AGFG1: variants seen among roughly 807,000 people sequenced by gnomAD.
The protein encoded by AGFG1 is arf-GAP domain and FG repeat-containing protein 1.
AGFG1 carries 10 observed loss-of-function variants against 60.6 expected under a neutral mutation model. The ratio of observed to expected loss-of-function variants is 0.16; its 90% CI spans 0.10 to 0.28. AGFG1 has a LOEUF of 0.28. AGFG1 is among the 10% of genes least tolerant of loss of function. The probability of loss-of-function intolerance (pLI) is 1.00; values close to 1 mark genes in which losing one functional copy is unlikely to be tolerated. For missense variants in AGFG1, 537 were observed against 676.5 expected (o/e 0.79, Z 2.29); for synonymous variants, 247 against 242.9 (o/e 1.02, Z -0.16).
chr2:227,524,933 A>G lies in AGFG1; in HGVS notation c.694+18A>G, dbSNP rs763466601. ...TCATGCAGGTAAGTGTTTTTTCCCA[A>G]CAGCTTTTGCTGGGGATGCATATAA... On this transcript the variant is annotated intron_variant, in intron 5 of 12. Transcript: ENST00000310078. 8 of 1,612,916 alleles carry G rather than the reference A, an allele frequency of 5.0e-6. No individual in the cohort carries two copies. The highest frequency in any genetic ancestry group is 1.7e-5 in the Admixed American group (1 of 60,000).
At chr2:227,549,805 A>C (rs918969568) in intron 10 of AGFG1, among the ~76,000 whole-genome samples, 2 of 152,302 alleles carry the variant, frequency 1.3e-5, no homozygotes, top group South Asian at 2.1e-4. Context: ...AATTGATTTC[A>C]TCACTGTTTC....
At chr2:227,512,121 T>C (rs1035569118) in intron 2 of AGFG1, among the ~76,000 whole-genome samples, 3 of 152,210 alleles carry the variant, frequency 2.0e-5, no homozygotes, top group African/African-American at 7.2e-5. Context: ...TGATACTACC[T>C]TACCTGTCCA....
Position 227,491,790 on chromosome 2 carries a change from T to C in AGFG1, c.261+150T>C, listed in dbSNP as rs188811454. On this transcript the variant is annotated intron_variant, in intron 2 of 12. Coordinates refer to ENST00000310078, the MANE Select transcript of AGFG1 (RefSeq NM_004504.5). ...ATTTAGATATTTTAAAATGTACTCA[T>C]TTAATAATGTATTTGGAATTAATGT... 224 of 506,534 alleles carry C rather than the reference T, an allele frequency of 4.4e-4. 1 individual carries two copies. The highest frequency in any genetic ancestry group is 3.9e-3 in the African/African-American group (196 of 50,452). 31.4% of individuals were successfully genotyped at this position (506,534 alleles called of 1,614,324 possible). A position where few individuals can be genotyped will look rare whatever the true frequency, so the allele number is the denominator to read the frequency against.
In AGFG1 at chr2:227,472,416, G is replaced by A. The variant is rs748081594; in HGVS notation, c.-6G>A. 4.7e-5 allele frequency: 70 copies of A among 1,479,704 alleles called. No homozygotes were observed. In the Middle Eastern group the frequency reaches 1.3e-3, roughly 27 times the overall value. 91.7% of individuals were successfully genotyped at this position (1,479,704 alleles called of 1,614,324 possible). The stretch of plus-strand genomic sequence containing the variant: ...CCTGCCGGCCTCCTCCCTTGGCGCC[G>A]CGGCCATGGCGGCCAGCGCGAAGCG... On this transcript the variant is annotated 5_prime_UTR_variant, in exon 1 of 13. Transcript: ENST00000310078.
Position 227,557,290 on chromosome 2 carries a change from T to C in AGFG1, c.*2795T>C, listed in dbSNP as rs1280039770. Reference sequence around the variant, plus strand: ...AATAGAGAATATTTTATTATTTTTGTGAAAATAGAGTTTTGGTAATCACTT... The same window carrying C: ...AATAGAGAATATTTTATTATTTTTGCGAAAATAGAGTTTTGGTAATCACTT... On this transcript the variant is annotated 3_prime_UTR_variant, in exon 13 of 13. Transcript: ENST00000310078. The C allele has an allele frequency of 6.6e-6, 1 of 152,242 alleles. No homozygotes were observed. Among genetic ancestry groups the C allele is most frequent in the Non-Finnish European group, 1.5e-5 (1 of 68,044 alleles). 9.4% of individuals were successfully genotyped at this position (152,242 alleles called of 1,614,324 possible).
At chr2:227,527,926 A>T (rs1362904353) in intron 5 of AGFG1, among the ~76,000 whole-genome samples, 1 of 152,142 alleles carries the variant, frequency 6.6e-6, no homozygotes, top group Non-Finnish European at 1.5e-5. Flanking sequence ...GATAGAATGG[A>T]CTTCCTGTTT....
Position 227,558,314 on chromosome 2 carries a change from T to C in AGFG1, c.*3819T>C, listed in dbSNP as rs1260677603. 1 of 152,182 alleles carries C rather than the reference T, an allele frequency of 6.6e-6. No homozygotes were observed. The highest frequency in any genetic ancestry group is 1.5e-5 in the Non-Finnish European group (1 of 68,022). 9.4% of individuals were successfully genotyped at this position (152,182 alleles called of 1,614,324 possible). On this transcript the variant is annotated 3_prime_UTR_variant, in exon 13 of 13. Coordinates refer to ENST00000310078, the MANE Select transcript of AGFG1 (RefSeq NM_004504.5). Reference sequence around the variant, plus strand: ...TTTGAAATTCTGAACAAGTTAACGTTCTTGTCTTGTATATCTAAAAAAACT... The same window carrying C: ...TTTGAAATTCTGAACAAGTTAACGTCCTTGTCTTGTATATCTAAAAAAACT...
rs370382855 is a variant in AGFG1, at chr2:227,536,717, G to A, written c.1285+13G>A. The A allele has an allele frequency of 3.5e-5, 57 of 1,612,508 alleles. No individual in the cohort carries two copies. Among genetic ancestry groups the A allele is most frequent in the Non-Finnish European group, 4.5e-5 (53 of 1,179,008 alleles). On this transcript the variant is annotated intron_variant, in intron 9 of 12. Transcript: ENST00000310078. ...GCTCCATTTGGAGGTATGTGCTTCT[G>A]GTATATACACTGGTTTTTACAAAGA...
rs1691940969 is a variant in AGFG1, at chr2:227,524,831, G to A, written c.610G>A (p.Gly204Ser). Residue 204 changes from glycine to serine, a missense_variant, in exon 5 of 13, where the codon GGC becomes AGC. By Grantham distance (56) the Gly-to-Ser change is moderately conservative. Coordinates refer to ENST00000310078, the MANE Select transcript of AGFG1 (RefSeq NM_004504.5). ...KKQFDLLSDL[G>S]SDIFAAPAPQ... is the part of the protein sequence containing the mutation. The stretch of plus-strand genomic sequence containing the variant: ...GCAATTTGACCTTTTAAGTGATCTC[G>A]GCTCAGACATCTTTGCTGCTCCAGC... 9 of 1,614,094 alleles carry A rather than the reference G, an allele frequency of 5.6e-6. No homozygotes were observed. The highest frequency in any genetic ancestry group is 2.2e-5 in the East Asian group (1 of 44,874).
intron 7 of AGFG1, 40 bp from the exon 8 acceptor site, chr2:227,534,805 C>G (rs1324541213): frequency 6.2e-7 from 1 of 1,600,612 alleles, no homozygotes; most frequent in South Asian, 1.1e-5. Flanking sequence ...GAAAGTGTAA[C>G]TTTAAATTTT....
At position 227,555,499 on chromosome 2, in the gene AGFG1, A is replaced by C. The variant is rs1437465400; in HGVS notation, c.*1004A>C. The C allele has an allele frequency of 6.6e-6, 1 of 152,546 alleles. No homozygotes were observed. The highest frequency in any genetic ancestry group is 2.4e-5 in the African/African-American group (1 of 41,438). The allele number at this position is 152,546 out of a possible 1,614,324, so 9.4% of individuals were successfully genotyped here. On this transcript the variant is annotated 3_prime_UTR_variant, in exon 13 of 13. Transcript: ENST00000310078. ...TTTAAAAAAAATTGTCTTTGAATGT[A>C]TTGGAAGTAGACATGCATTAACTGT...
chr2:227,516,929 C>CA (rs1490726622), intron 2 of AGFG1, among the ~76,000 whole-genome samples: 11 of 152,098 alleles, frequency 7.2e-5, no homozygotes, highest in Admixed American at 2.0e-4. Flanking sequence ...GAAAAACTTC[C>CA]AGGCCTCCCT....
intron 2 of AGFG1, among the ~76,000 whole-genome samples, chr2:227,514,016 C>A (rs1691576389): frequency 6.6e-6 from 1 of 152,134 alleles, no homozygotes; most frequent in South Asian, 2.1e-4. Context: ...CTACAAAATG[C>A]TAGAAGTTCA....
chr2:227,480,228 G>C (rs1223558719), intron 1 of AGFG1, among the ~76,000 whole-genome samples: 1 of 152,098 alleles, frequency 6.6e-6, no homozygotes, highest in African/African-American at 2.4e-5. Flanking sequence ...ACTGTCATTG[G>C]GTAATTTAAG....
chr2:227,522,340 T>G (rs1691852031), intron 3 of AGFG1, among the ~76,000 whole-genome samples: 1 of 152,250 alleles, frequency 6.6e-6, no homozygotes, highest in Non-Finnish European at 1.5e-5. Context: ...TTGATAAGAC[T>G]TGGCTATACT....
chr2:227,548,865 A>T (rs1457955092), intron 10 of AGFG1, among the ~76,000 whole-genome samples: 1 of 151,196 alleles, frequency 6.6e-6, no homozygotes, highest in East Asian at 2.0e-4. Flanking sequence ...TGAACCCGGG[A>T]GGTGGAGCTT....
chr2:227,501,527 A>T (rs1433217121), intron 2 of AGFG1, among the ~76,000 whole-genome samples: 1 of 152,234 alleles, frequency 6.6e-6, no homozygotes, highest in Non-Finnish European at 1.5e-5. Context: ...CCCTATACAA[A>T]TATACACATA....
intron 1 of AGFG1, among the ~76,000 whole-genome samples, chr2:227,479,608 A>G (rs1007885120): frequency 6.6e-6 from 1 of 152,116 alleles, no homozygotes; most frequent in Non-Finnish European, 1.5e-5. Context: ...CACATTTGTG[A>G]GAAACTCCTA....
At chr2:227,481,099 C>CTTTTTTTTTTTTTTTTTTTTTTTTTTTT (rs36152184) in intron 1 of AGFG1, among the ~76,000 whole-genome samples, 1 of 75,724 alleles carries the variant, frequency 1.3e-5, no homozygotes, top group Non-Finnish European at 2.4e-5. Flanking sequence ...GTGTTTTAGG[C>CTTTTTTTTTTTTTTTTTTTTTTTTTTTT]TTTTTTTTTT....
Sources: gnomAD v4.1 joint callset for allele counts (sites outside exome capture counted in the v4.1 genomes callset) on GRCh38, gnomAD v4.1.1 for gene constraint, MANE v1.5 for transcripts, NCBI Gene and HGNC (gene_info 2026-07-23, HGNC 2026-07-21) for gene names.